The following MCMBP variants were observed in gnomAD, a reference collection of about 807,000 sequenced individuals.
MCMBP encodes mini-chromosome maintenance complex-binding protein.
A neutral mutation model predicts 81.3 loss-of-function variants in MCMBP; 31 were observed. The observed-to-expected ratio is 0.38, with a 90% CI of 0.29 to 0.51. The LOEUF is 0.51. MCMBP is among the 20% of genes least tolerant of loss of function. The pLI is 0.87. For synonymous variants in MCMBP, 267 were observed against 275.9 expected (o/e 0.97, Z 0.32); for missense variants, 645 against 772.1 (o/e 0.84, Z 1.95).
intron 8 of MCMBP, 41 bp downstream of exon 8, chr10:119,847,572 A>G (rs768760381): frequency 8.1e-7 from 1 of 1,233,644 alleles, no homozygotes; most frequent in Non-Finnish European, 1.2e-6. Context: ...TTGAAATTAT[A>G]TAAAAATAAA....
At chr10:119,853,847 T>C (rs1406839339) in intron 5 of MCMBP, among the ~76,000 whole-genome samples, 4 of 152,112 alleles carry the variant, frequency 2.6e-5, no homozygotes, top group Non-Finnish European at 5.9e-5. Flanking sequence ...GACCCAGAAA[T>C]AGCAGACCTC....
In MCMBP at chr10:119,847,664, T is replaced by C; in HGVS notation, c.776A>G (p.Tyr259Cys). The C allele has an allele frequency of 6.2e-7, 1 of 1,612,202 alleles. No homozygotes were observed. Among genetic ancestry groups the C allele is most frequent in the Non-Finnish European group, 8.5e-7 (1 of 1,179,152 alleles). ...CACAGGATCCACAGACAGTATGCCA[T>C]ATAGCTCAAGAATGTCATTTACTTT... ...CFKVNDILEL[Y>C]GILSVDPVLS... The change falls in exon 8 of 16, where the codon TAT becomes TGT. Residue 259 changes from tyrosine to cysteine, a missense_variant. Transcript: ENST00000369077.
intron 1 of MCMBP, among the ~76,000 whole-genome samples, chr10:119,869,222 G>A (rs1416598028): frequency 2.0e-5 from 3 of 152,232 alleles, no homozygotes; most frequent in Non-Finnish European, 4.4e-5. Flanking sequence ...GAGGCAGGCA[G>A]ATCACCTGTT....
In MCMBP at chr10:119,835,723, C is replaced by T; in HGVS notation, c.1543-19G>A. 6.2e-7 allele frequency: 1 copy of T among 1,613,128 alleles called. No homozygotes were observed. ...AGTCTGCCTGAAAAGAGAAGGAGTACACTGTATTTTCTGAGTTCCTAAATT... is the reference window on the plus strand; with the variant it reads ...AGTCTGCCTGAAAAGAGAAGGAGTATACTGTATTTTCTGAGTTCCTAAATT... On this transcript the variant is annotated intron_variant, in intron 13 of 15. Transcript: ENST00000369077.
chr10:119,869,872 T>C (rs1266517974), intron 1 of MCMBP, among the ~76,000 whole-genome samples: 3 of 152,234 alleles, frequency 2.0e-5, no homozygotes, highest in South Asian at 4.1e-4. Context: ...CGGTGTCCTC[T>C]AGATCAGTGC....
intron 15 of MCMBP, 107 bp from the exon 16 acceptor site, chr10:119,831,707 G>T: frequency 7.7e-7 from 1 of 1,295,794 alleles, no homozygotes; most frequent in Non-Finnish European, 1.1e-6. Context: ...CACGTTAGGA[G>T]ACAAGACCGT....
At chr10:119,835,453 T>C (rs1485904314) in intron 14 of MCMBP, 87 bp downstream of exon 14, 6 of 1,185,694 alleles carry the variant, frequency 5.1e-6, no homozygotes, top group Non-Finnish European at 7.2e-6. Context: ...AATAACAAAA[T>C]TACCTTATCA....
At chr10:119,842,346 G>A (rs750963467) in intron 10 of MCMBP, 126 bp downstream of exon 10, 3 of 1,056,442 alleles carry the variant, frequency 2.8e-6, no homozygotes, top group Non-Finnish European at 4.1e-6. Flanking sequence ...AGTTAACACT[G>A]GACAGATAAA....
At chr10:119,855,299 G>C (rs1242258100) in intron 5 of MCMBP, among the ~76,000 whole-genome samples, 5 of 152,210 alleles carry the variant, frequency 3.3e-5, no homozygotes, top group African/African-American at 9.6e-5. Flanking sequence ...AGTGACTGGG[G>C]AGAAATTTAT....
intron 1 of MCMBP, among the ~76,000 whole-genome samples, chr10:119,868,603 A>G (rs1267318596): frequency 7.9e-5 from 12 of 152,232 alleles, no homozygotes; most frequent in Non-Finnish European, 2.9e-5. Context: ...ATGCAGATAC[A>G]GGGGCCCTGA....
Position 119,829,551 on chromosome 10 carries a change from C to CG in MCMBP, c.*1922dup, listed in dbSNP as rs1346186730. ...CATACAGGATTAACGCTGTGCCTTA[C>CG]GTTAGAGCAACAAACTTGACTGTCC... is the stretch of plus-strand genomic sequence containing the variant. On this transcript the variant is annotated 3_prime_UTR_variant, in exon 16 of 16. Coordinates refer to ENST00000369077, the MANE Select transcript of MCMBP (RefSeq NM_001256378.2). The CG allele has an allele frequency of 6.6e-6, 1 of 152,214 alleles. No homozygotes were observed. The highest frequency in any genetic ancestry group is 1.5e-5 in the Non-Finnish European group (1 of 68,042). 9.4% of individuals were successfully genotyped at this position (152,214 alleles called of 1,614,324 possible). A position where few individuals can be genotyped will look rare whatever the true frequency, so the allele number is the denominator to read the frequency against.
rs1852802674 is a variant in MCMBP at position 119,850,940 on chromosome 10, A to G, written c.575-1364T>C. 4.8e-5 allele frequency among the ~76,000 whole-genome samples: 7 copies of G among 145,900 alleles called. No homozygotes were observed. In the South Asian group the frequency reaches 1.5e-3, roughly 32 times the overall value. On this transcript the variant is annotated intron_variant, in intron 6 of 15. Coordinates refer to ENST00000369077, the MANE Select transcript of MCMBP (RefSeq NM_001256378.2). ...CCCAGGCTGGAGCATGGTGGCGATC[A>G]GCGCTCACTGCAACCTTCGCCTCCC...
intron 1 of MCMBP, among the ~76,000 whole-genome samples, chr10:119,869,012 A>C (rs1335783126): frequency 1.3e-5 from 2 of 152,214 alleles, no homozygotes; most frequent in African/African-American, 2.4e-5. Flanking sequence ...TAGTAAGGGT[A>C]ACAAGAAGTC....
At position 119,859,301 on chromosome 10, in the gene MCMBP, CA is replaced by C. The variant is rs1488934782; in HGVS notation, c.145-121del. ...ACACACACACACACACACACACACACACACCCATGCCACATCAGAGAGCCAA... is the reference window on the plus strand; with the variant it reads ...ACACACACACACACACACACACACACCACCCATGCCACATCAGAGAGCCAA... On this transcript the variant is annotated intron_variant, in intron 2 of 15. Coordinates refer to ENST00000369077, the MANE Select transcript of MCMBP (RefSeq NM_001256378.2). 251 of 768,466 alleles carry C rather than the reference CA, an allele frequency of 3.3e-4. 1 individual carries two copies. In the African/African-American group the frequency reaches 3.3e-3, roughly 10 times the overall value. The allele number at this position is 768,466 out of a possible 1,614,324, so 47.6% of individuals were successfully genotyped here. A position where few individuals can be genotyped will look rare whatever the true frequency, so the allele number is the denominator to read the frequency against.
chr10:119,836,779 TTTTTTTTTTTTTTTTACA>T, intron 13 of MCMBP, 99 bp downstream of exon 13: 3 of 239,052 alleles, frequency 1.3e-5, no homozygotes, highest in Non-Finnish European at 2.0e-5. Flanking sequence ...TTTTTTTTTT[TTTTTTTTTTTTTTTTACA>T]ACAAATGTAA....
chr10:119,843,053 T>C lies in MCMBP; in HGVS notation c.1000+201A>G, dbSNP rs1042048454. On this transcript the variant is annotated intron_variant, in intron 9 of 15. Transcript: ENST00000369077. ...CAGGCGTGAGCCACTGCACCCAGCC[T>C]TGTATACTCTTTTGTCCTCATTTCA... 47 of 583,878 alleles carry C rather than the reference T, an allele frequency of 8.0e-5. 1 individual carries two copies. The highest frequency in any genetic ancestry group is 5.6e-4 in the Middle Eastern group (2 of 3,550). The allele number at this position is 583,878 out of a possible 1,614,324, so 36.2% of individuals were successfully genotyped here. A position where few individuals can be genotyped will look rare whatever the true frequency, so the allele number is the denominator to read the frequency against.
At chr10:119,871,942 G>A (rs893882575) in intron 1 of MCMBP, among the ~76,000 whole-genome samples, 1 of 152,198 alleles carries the variant, frequency 6.6e-6, no homozygotes, top group Non-Finnish European at 1.5e-5. Flanking sequence ...CTCTGGCACA[G>A]GAGCAGATCC....
At chr10:119,843,554 GA>G (rs1852513226) in intron 8 of MCMBP, 128 bp from the exon 9 acceptor site, 1 of 852,338 alleles carries the variant, frequency 1.2e-6, no homozygotes, top group Admixed American at 2.8e-5. Flanking sequence ...TCTCCTTAAA[GA>G]ACAGAAAGTG....
chr10:119,847,373 T>A (rs986693798), intron 8 of MCMBP, among the ~76,000 whole-genome samples: 29 of 152,186 alleles, frequency 1.9e-4, no homozygotes, highest in Non-Finnish European at 2.9e-4. Flanking sequence ...TCTTAGGAAA[T>A]GTTGACAAGC....
Sources: gnomAD v4.1 joint callset for allele counts (sites outside exome capture counted in the v4.1 genomes callset) on GRCh38, gnomAD v4.1.1 for gene constraint, MANE v1.5 for transcripts, NCBI Gene and HGNC (gene_info 2026-07-23, HGNC 2026-07-21) for gene names.